EYS: variants seen among roughly 807,000 people sequenced by gnomAD.
EYS encodes the protein protein eyes shut homolog.
Under a neutral mutation model 282.1 loss-of-function variants are expected in EYS, and 250 were observed. The observed-to-expected ratio is 0.89, with a 90% CI of 0.80 to 0.98. The LOEUF is 0.98. Ranked by LOEUF, EYS falls within the 50% of genes least tolerant of loss-of-function variation. The pLI, the probability that EYS is intolerant of heterozygous loss-of-function variation, is 0.00. For missense variants in EYS, 4,016 were observed against 3,709.0 expected (o/e 1.08, Z -2.15); for synonymous variants, 1,355 against 1,282.9 (o/e 1.06, Z -1.20).
intron 12 of EYS, among the ~76,000 whole-genome samples, chr6:65,180,789 C>G (rs1765359513): frequency 6.6e-6 from 1 of 152,116 alleles, no homozygotes; most frequent in Non-Finnish European, 1.5e-5. Flanking sequence ...AGGCATCACC[C>G]TACCTGACTT....
intron 26 of EYS, among the ~76,000 whole-genome samples, chr6:64,589,722 A>G (rs1207155991): frequency 6.6e-6 from 1 of 152,082 alleles, no homozygotes; most frequent in Admixed American, 6.6e-5. Context: ...ATTCTGAATT[A>G]TATAAAATGA....
intron 9 of EYS, among the ~76,000 whole-genome samples, chr6:65,350,729 C>T (rs2150325060): frequency 6.6e-6 from 1 of 151,704 alleles, no homozygotes; most frequent in Non-Finnish European, 1.5e-5. Context: ...TAGATGATGA[C>T]ATTGAAAAGA....
At chr6:63,947,210 T>C (rs1765425273) in intron 35 of EYS, among the ~76,000 whole-genome samples, 1 of 152,090 alleles carries the variant, frequency 6.6e-6, no homozygotes, top group Non-Finnish European at 1.5e-5. Context: ...AGAGTGAATG[T>C]GCTTAAATCC....
intron 8 of EYS, among the ~76,000 whole-genome samples, chr6:65,365,824 A>G (rs1024697172): frequency 2.6e-5 from 4 of 151,762 alleles, no homozygotes; most frequent in African/African-American, 9.7e-5. Flanking sequence ...CCGTGATTAC[A>G]TCTGCAATCA....
chr6:65,027,612 AT>A, intron 13 of EYS, among the ~76,000 whole-genome samples: 1 of 152,334 alleles, frequency 6.6e-6, no homozygotes, highest in African/African-American at 2.4e-5. Context: ...CTGTCCTGAT[AT>A]TTAGCTCTAC....
intron 33 of EYS, among the ~76,000 whole-genome samples, chr6:64,054,430 T>G (rs543428950): frequency 6.6e-6 from 1 of 152,250 alleles, no homozygotes; most frequent in African/African-American, 2.4e-5. Context: ...GTAGAGATTA[T>G]GGCTTCAATG....
intron 5 of EYS, among the ~76,000 whole-genome samples, chr6:65,409,591 T>C (rs1766893900): frequency 6.6e-6 from 1 of 152,156 alleles, no homozygotes; most frequent in African/African-American, 2.4e-5. Context: ...TAGCTAAAAA[T>C]GATATACGTG....
At chr6:65,152,836 T>A (rs951358171) in intron 12 of EYS, among the ~76,000 whole-genome samples, 2 of 151,566 alleles carry the variant, frequency 1.3e-5, no homozygotes, top group African/African-American at 4.8e-5. Context: ...CATTAAAATA[T>A]AAATAAATAT....
chr6:64,673,854 A>C (rs1328258738), intron 22 of EYS, among the ~76,000 whole-genome samples: 2 of 152,098 alleles, frequency 1.3e-5, no homozygotes, highest in African/African-American at 4.8e-5. Context: ...CAGTTAAATA[A>C]ATAGAAACCT....
Position 64,357,519 on chromosome 6 carries a change from T to C in EYS, c.6078+31171A>G, listed in dbSNP as rs150881344. ...GGATGTTTCTCAACTTTCAGACATATCTGGCTAACTTACCCTTTTTCTACT... is the reference window on the plus strand; with the variant it reads ...GGATGTTTCTCAACTTTCAGACATACCTGGCTAACTTACCCTTTTTCTACT... On this transcript the variant is annotated intron_variant, in intron 29 of 42. Transcript: ENST00000503581. Among the ~76,000 whole-genome samples the C allele has an allele frequency of 3.1e-3, 469 of 151,754 alleles. 2 individuals are homozygous for C. The highest frequency in any genetic ancestry group is 0.011 in the African/African-American group (436 of 41,500).
At chr6:64,688,139 C>A (rs567224351) in intron 22 of EYS, among the ~76,000 whole-genome samples, 19 of 151,796 alleles carry the variant, frequency 1.3e-4, no homozygotes, top group African/African-American at 4.3e-4. Context: ...GTCTTGCTAG[C>A]GGTCAATCAA....
chr6:65,586,691 A>T (rs184066938), intron 2 of EYS, among the ~76,000 whole-genome samples: 1 of 152,240 alleles, frequency 6.6e-6, no homozygotes, highest in Admixed American at 6.6e-5. Flanking sequence ...TATAATTTTG[A>T]TAGGAAAATA....
At chr6:63,959,482 T>C (rs1454478556) in intron 35 of EYS, among the ~76,000 whole-genome samples, 1 of 152,136 alleles carries the variant, frequency 6.6e-6, no homozygotes, top group African/African-American at 2.4e-5. Flanking sequence ...GAACCAGAAA[T>C]ACCATTTGAC....
intron 22 of EYS, among the ~76,000 whole-genome samples, chr6:64,734,726 G>T (rs572559753): frequency 7.7e-4 from 117 of 152,096 alleles, no homozygotes; most frequent in Non-Finnish European, 1.3e-3. Flanking sequence ...GTCCACATGG[G>T]GAAGAGTAGA....
intron 22 of EYS, among the ~76,000 whole-genome samples, chr6:64,744,228 A>G (rs1438998455): frequency 6.6e-6 from 1 of 152,172 alleles, no homozygotes; most frequent in African/African-American, 2.4e-5. Context: ...TTGGTAAAGA[A>G]ATCAGAAAAT....
chr6:64,591,895 G>C lies in EYS; in HGVS notation c.3972C>G (p.Leu1324=), dbSNP rs202130794. ...RISTPLESYL[L]QELIVTRELS... ...GCTCTCTAGTGACAATCAGTTCTTG[G>C]AGTAAGTAGCTTTCCAAGGGTGTGC... Residue 1324 remains leucine (L), a synonymous_variant, in exon 26 of 43, where the codon CTC becomes CTG. Transcript: ENST00000503581. The C allele has an allele frequency of 2.6e-6, 4 of 1,550,556 alleles. No individual in the cohort carries two copies. The highest frequency in any genetic ancestry group is 1.7e-4 in the Middle Eastern group (1 of 5,986).
chr6:63,730,706 C>A (rs1040586220), intron 41 of EYS, among the ~76,000 whole-genome samples: 3 of 152,138 alleles, frequency 2.0e-5, no homozygotes, highest in Admixed American at 2.0e-4. Context: ...GCCATGTTGC[C>A]ATGTTTTGAG....
At chr6:64,299,953 A>C (rs2150371782) in intron 30 of EYS, among the ~76,000 whole-genome samples, 1 of 152,230 alleles carries the variant, frequency 6.6e-6, no homozygotes, top group South Asian at 2.1e-4. Flanking sequence ...CTTGTCCCTC[A>C]GACACGCTAT....
At chr6:64,381,475 T>C (rs1772746902) in intron 29 of EYS, among the ~76,000 whole-genome samples, 1 of 152,214 alleles carries the variant, frequency 6.6e-6, no homozygotes, top group South Asian at 2.1e-4. Context: ...GACTTTCTTT[T>C]TTTCTCTTCC....
Sources: allele counts gnomAD v4.1 joint callset (sites outside exome capture counted in the v4.1 genomes callset), GRCh38; gene constraint gnomAD v4.1.1; transcripts MANE v1.5; gene names NCBI Gene and HGNC (gene_info 2026-07-23, HGNC 2026-07-21).